The following TRIP12 variants were observed in gnomAD, a reference collection of about 807,000 sequenced individuals.
TRIP12 encodes the protein thyroid hormone receptor interactor 12.
Under a neutral mutation model 244.2 loss-of-function variants are expected in TRIP12, and 25 were observed. That is an observed-to-expected ratio of 0.10 (90% CI 0.07 to 0.14). The LOEUF is 0.14. TRIP12 is among the 10% of genes least tolerant of loss of function. The probability of loss-of-function intolerance (pLI) is 1.00; values close to 1 mark genes in which losing one functional copy is unlikely to be tolerated. For synonymous variants in TRIP12, 905 were observed against 873.1 expected (o/e 1.04, Z -0.64); for missense variants, 1,677 against 2,486.4 (o/e 0.67, Z 6.92).
intron 1 of TRIP12, among the ~76,000 whole-genome samples, chr2:229,900,191 T>TA (rs2070271788): frequency 6.6e-6 from 1 of 152,228 alleles, no homozygotes; most frequent in East Asian, 1.9e-4. Context: ...GTTGAACTTC[T>TA]ACAACCTAGG....
intron 8 of TRIP12, among the ~76,000 whole-genome samples, chr2:229,820,255 T>C (rs2049680786): frequency 6.6e-6 from 1 of 151,904 alleles, no homozygotes; most frequent in Admixed American, 6.6e-5. Context: ...TTATAACCAT[T>C]GGGGTTGGCA....
intron 1 of TRIP12, among the ~76,000 whole-genome samples, chr2:229,899,226 C>T (rs968741959): frequency 1.3e-5 from 2 of 152,138 alleles, no homozygotes; most frequent in Non-Finnish European, 2.9e-5. Flanking sequence ...CCATGGCACA[C>T]GGTCTAGCCA....
rs745503826 is a variant in TRIP12 at position 229,795,345 on chromosome 2, A to T, written c.3817-15T>A. Reference sequence around the variant, plus strand: ...TCTCCAGGAAGCTAAAGTTATAAATAAACAAACAGGTTAAACAAAGCCTTT... The same window carrying T: ...TCTCCAGGAAGCTAAAGTTATAAATTAACAAACAGGTTAAACAAAGCCTTT... On this transcript the variant is annotated splice_polypyrimidine_tract_variant and intron_variant, in intron 25 of 41. Transcript: ENST00000675903. 1 of 1,608,802 alleles carries T rather than the reference A, an allele frequency of 6.2e-7. No individual in the cohort carries two copies. The highest frequency in any genetic ancestry group is 8.5e-7 in the Non-Finnish European group (1 of 1,177,556).
chr2:229,771,415 AT>A, intron 39 of TRIP12, 103 bp downstream of exon 39: 8 of 908,740 alleles, frequency 8.8e-6, no homozygotes, highest in Admixed American at 2.5e-5. Context: ...TCTAACACCC[AT>A]TTTTTTGTTT....
chr2:229,798,770 G>A (rs2043445728), intron 23 of TRIP12, 105 bp downstream of exon 23: 1 of 1,205,882 alleles, frequency 8.3e-7, no homozygotes, highest in Admixed American at 2.3e-5. Flanking sequence ...AAATTAAAGT[G>A]CTGTGTCTAT....
chr2:229,873,890 T>C (rs1200468083), intron 2 of TRIP12, among the ~76,000 whole-genome samples: 3 of 152,114 alleles, frequency 2.0e-5, no homozygotes, highest in East Asian at 3.8e-4. Context: ...CCTCTCATCA[T>C]TCAAAAACTT....
At chr2:229,845,263 T>C (rs2057337825) in intron 4 of TRIP12, among the ~76,000 whole-genome samples, 1 of 152,212 alleles carries the variant, frequency 6.6e-6, no homozygotes, top group Non-Finnish European at 1.5e-5. Flanking sequence ...TTCCATTTAA[T>C]TTTGGTTGAA....
At chr2:229,799,193 C>A in intron 22 of TRIP12, 90 bp downstream of exon 22, 4 of 1,529,146 alleles carry the variant, frequency 2.6e-6, no homozygotes. Context: ...AGGCATACTT[C>A]AAGAGCTACT....
intron 1 of TRIP12, among the ~76,000 whole-genome samples, chr2:229,918,595 T>C (rs2075944003): frequency 1.3e-5 from 2 of 152,156 alleles, no homozygotes; most frequent in Admixed American, 1.3e-4. Context: ...ATTAACAAGT[T>C]TTTTCAGTAG....
intron 1 of TRIP12, among the ~76,000 whole-genome samples, chr2:229,904,179 T>C (rs1299479637): frequency 6.6e-6 from 1 of 152,076 alleles, no homozygotes; most frequent in African/African-American, 2.4e-5. Context: ...CCAGCATGGG[T>C]GGCCAAGGAG....
chr2:229,917,731 C>T (rs918145313), intron 1 of TRIP12, among the ~76,000 whole-genome samples: 6 of 152,142 alleles, frequency 3.9e-5, no homozygotes. Context: ...AAGAACCCTT[C>T]CAAGCAGGTT....
At chr2:229,916,550 T>C (rs1251654613) in intron 1 of TRIP12, among the ~76,000 whole-genome samples, 1 of 152,108 alleles carries the variant, frequency 6.6e-6, no homozygotes, top group Non-Finnish European at 1.5e-5. Context: ...AGTGAGACTC[T>C]GTCTCAACAA....
chr2:229,791,155 T>C lies in TRIP12; in HGVS notation c.4512A>G (p.Arg1504=), dbSNP rs1055262766. ...ATAACTCATCATGCTTTTTTGCATT[T>C]CTAGGGGAAGTTTTCGTTGGAGCTG... ...AQTAPTKTSP[R]NAKKHDELWH... Residue 1504 remains arginine, a synonymous_variant, in exon 30 of 42, where the codon AGA becomes AGG. Coordinates refer to ENST00000675903, the MANE Select transcript of TRIP12 (RefSeq NM_001348323.3). The C allele has an allele frequency of 1.4e-5, 22 of 1,614,044 alleles. No individual in the cohort carries two copies. In the East Asian group the frequency reaches 4.7e-4, roughly 34 times the overall value.
At chr2:229,889,580 T>C (rs954505595) in intron 1 of TRIP12, among the ~76,000 whole-genome samples, 9 of 152,210 alleles carry the variant, frequency 5.9e-5, no homozygotes, top group African/African-American at 1.4e-4. Context: ...TGAATGGGGA[T>C]AGGAGGTCAG....
chr2:229,840,656 C>G (rs1432857356), intron 5 of TRIP12, among the ~76,000 whole-genome samples, 166 bp downstream of exon 5: 1 of 151,986 alleles, frequency 6.6e-6, no homozygotes, highest in African/African-American at 2.4e-5. Flanking sequence ...GAGCCAAGAT[C>G]GCGCCACTGC....
At chr2:229,776,075 T>C (rs1037083571) in intron 37 of TRIP12, among the ~76,000 whole-genome samples, 3 of 152,082 alleles carry the variant, frequency 2.0e-5, no homozygotes, top group African/African-American at 7.2e-5. Context: ...ACAGCCTGGG[T>C]TTGAGTTCCT....
chr2:229,919,995 T>C lies in TRIP12; in HGVS notation c.-50+1885A>G, dbSNP rs115324386. ...TTGATCACTTTGCATGTGGTAAATA[T>C]GAAAATCAGCCTCAATAAAATCCTC... is the stretch of plus-strand genomic sequence containing the variant. On this transcript the variant is annotated intron_variant, in intron 1 of 41. Transcript: ENST00000675903. Among the ~76,000 whole-genome samples the C allele has an allele frequency of 4.3e-3, 661 of 152,348 alleles. 6 individuals are homozygous for C. Among genetic ancestry groups the C allele is most frequent in the African/African-American group, 0.015 (620 of 41,578 alleles).
chr2:229,868,312 C>T (rs1393766130), intron 2 of TRIP12, among the ~76,000 whole-genome samples: 1 of 152,084 alleles, frequency 6.6e-6, no homozygotes, highest in Non-Finnish European at 1.5e-5. Flanking sequence ...GGTGATCCTC[C>T]CACTTCACCC....
At position 229,766,271 on chromosome 2, in the gene TRIP12, T is replaced by C. The variant is rs148234560; in HGVS notation, c.*1283A>G. On this transcript the variant is annotated 3_prime_UTR_variant, in exon 42 of 42. Transcript: ENST00000675903. ...AAGTTGCTATTATAAATTGTTTGAATAGCAAAATCAGCCATGACCCGAATC... is the reference window on the plus strand; with the variant it reads ...AAGTTGCTATTATAAATTGTTTGAACAGCAAAATCAGCCATGACCCGAATC... 7.2e-5 allele frequency: 11 copies of C among 152,304 alleles called. No homozygotes were observed. The highest frequency in any genetic ancestry group is 2.4e-4 in the African/African-American group (10 of 41,572). The allele number at this position is 152,304 out of a possible 1,614,324, so 9.4% of individuals were successfully genotyped here.
Sources: allele counts gnomAD v4.1 joint callset (sites outside exome capture counted in the v4.1 genomes callset), GRCh38; gene constraint gnomAD v4.1.1; transcripts MANE v1.5; gene names NCBI Gene and HGNC (gene_info 2026-07-23, HGNC 2026-07-21).